The following COL21A1 variants were observed in gnomAD, a reference collection of about 807,000 sequenced individuals.
COL21A1 encodes the protein collagen type XXI alpha 1 chain, also known as collagen alpha-1(XXI) chain.
A neutral mutation model predicts 137.9 loss-of-function variants in COL21A1; 149 were observed. The observed-to-expected ratio is 1.08, with a 90% CI of 0.95 to 1.24. The LOEUF (loss-of-function observed/expected upper bound fraction) is 1.24, where lower values mean the gene tolerates loss of function less well. Ranked by LOEUF, COL21A1 falls within the 50% of genes most tolerant of loss-of-function variation. COL21A1 has a pLI of 0.00. For synonymous variants in COL21A1, 456 were observed against 391.5 expected, an observed-to-expected ratio of 1.16 and a Z score of -1.95; for missense variants, 1,167 against 1,158.4, an observed-to-expected ratio of 1.01 and a Z score of -0.11.
At chr6:56,140,962 A>G (rs1252021934) in intron 12 of COL21A1, among the ~76,000 whole-genome samples, 1 of 152,214 alleles carries the variant, frequency 6.6e-6, no homozygotes, top group African/African-American at 2.4e-5. Flanking sequence ...AGCAGTCAGC[A>G]TAAGATGCCA....
chr6:56,233,934 T>C (rs1348743976), intron 1 of COL21A1, among the ~76,000 whole-genome samples: 13 of 151,778 alleles, frequency 8.6e-5, no homozygotes, highest in Admixed American at 7.9e-4. Context: ...CAGCCATTAA[T>C]AGGAAAATAT....
At chr6:56,149,662 T>C (rs777163426) in intron 10 of COL21A1, among the ~76,000 whole-genome samples, 2 of 152,222 alleles carry the variant, frequency 1.3e-5, no homozygotes, top group Non-Finnish European at 2.9e-5. Flanking sequence ...CATGAATCCA[T>C]AGTCTCCTTT....
At chr6:56,101,212 G>T in intron 17 of COL21A1, among the ~76,000 whole-genome samples, 1 of 152,262 alleles carries the variant, frequency 6.6e-6, no homozygotes, top group East Asian at 1.9e-4. Context: ...CATGATGTTT[G>T]TGTTAACCAT....
chr6:56,313,108 T>G (rs1184530128), intron 1 of COL21A1, among the ~76,000 whole-genome samples: 1 of 152,112 alleles, frequency 6.6e-6, no homozygotes, highest in Non-Finnish European at 1.5e-5. Flanking sequence ...GGATGCAGTT[T>G]AGAGATAGCT....
At chr6:56,392,298 C>T (rs570440744) in intron 1 of COL21A1, among the ~76,000 whole-genome samples, 14 of 152,170 alleles carry the variant, frequency 9.2e-5, no homozygotes, top group African/African-American at 3.1e-4. Context: ...TTTAACATCC[C>T]TTCATGATAA....
intron 1 of COL21A1, among the ~76,000 whole-genome samples, chr6:56,303,910 A>G (rs1434833557): frequency 6.6e-6 from 1 of 152,184 alleles, no homozygotes; most frequent in Non-Finnish European, 1.5e-5. Flanking sequence ...TGTCCCATCA[A>G]TACCTAATTT....
Position 56,075,469 on chromosome 6 carries a change from A to G in COL21A1, c.1911+10T>C, listed in dbSNP as rs778767497. ...CACTTTGATGTATGATGATAATGAC[A>G]TCAACATACAGGCATCCCTGGGGCT... On this transcript the variant is annotated intron_variant, in intron 19 of 29. Transcript: ENST00000244728. The G allele has an allele frequency of 3.3e-6, 5 of 1,536,326 alleles. No individual in the cohort carries two copies. The South Asian group carries it at 6.2e-5, about 19-fold the overall frequency.
intron 17 of COL21A1, among the ~76,000 whole-genome samples, chr6:56,087,833 T>C (rs1421276797): frequency 6.6e-6 from 1 of 152,170 alleles, no homozygotes; most frequent in Non-Finnish European, 1.5e-5. Flanking sequence ...TAAAAATTTG[T>C]TCAGGAAGAT....
chr6:56,111,571 CTA>C (rs1771433989), intron 16 of COL21A1, among the ~76,000 whole-genome samples: 1 of 151,890 alleles, frequency 6.6e-6, no homozygotes, highest in South Asian at 2.1e-4. Flanking sequence ...TTATTCCACA[CTA>C]AAAACTTTGG....
At chr6:56,066,671 C>T (rs1317654442) in intron 23 of COL21A1, among the ~76,000 whole-genome samples, 1 of 151,742 alleles carries the variant, frequency 6.6e-6, no homozygotes, top group Non-Finnish European at 1.5e-5. Flanking sequence ...ATTCAAAAGT[C>T]AGTCTTCAGT....
At chr6:56,289,184 T>C (rs11964676) in intron 1 of COL21A1, among the ~76,000 whole-genome samples, 3,614 of 152,298 alleles carry the variant, frequency 0.024, 155 homozygotes, top group African/African-American at 0.082. Context: ...CTTACTGATA[T>C]TAACCAATTT....
chr6:56,186,101 T>C (rs1778279130), intron 1 of COL21A1, among the ~76,000 whole-genome samples: 1 of 152,000 alleles, frequency 6.6e-6, no homozygotes, highest in African/African-American at 2.4e-5. Flanking sequence ...GATATAAAAA[T>C]CTAAAACAAA....
At chr6:56,188,627 G>A (rs185463660) in intron 1 of COL21A1, among the ~76,000 whole-genome samples, 11 of 152,274 alleles carry the variant, frequency 7.2e-5, no homozygotes, top group East Asian at 1.9e-4. Flanking sequence ...CACAGCGTTC[G>A]AGCTCTGCTA....
At chr6:56,061,329 T>C (rs1432469810) in intron 25 of COL21A1, among the ~76,000 whole-genome samples, 1 of 152,048 alleles carries the variant, frequency 6.6e-6, no homozygotes, top group Admixed American at 6.6e-5. Flanking sequence ...CATAACACAG[T>C]CCTATTCACA....
intron 1 of COL21A1, among the ~76,000 whole-genome samples, chr6:56,335,395 T>C (rs993548981): frequency 6.6e-6 from 1 of 152,152 alleles, no homozygotes; most frequent in Non-Finnish European, 1.5e-5. Flanking sequence ...GATTGCTATC[T>C]CTAGTGACAA....
intron 1 of COL21A1, among the ~76,000 whole-genome samples, chr6:56,378,796 G>A (rs1316280245): frequency 3.9e-5 from 6 of 152,332 alleles, no homozygotes; most frequent in Admixed American, 6.5e-5. Flanking sequence ...GCTGGCTTCA[G>A]GTCTGACCCA....
intron 10 of COL21A1, among the ~76,000 whole-genome samples, chr6:56,148,484 C>T (rs890947951): frequency 6.6e-6 from 1 of 152,064 alleles, no homozygotes; most frequent in Non-Finnish European, 1.5e-5. Context: ...AGTAAGCCAT[C>T]TCTTGTAATT....
At chr6:56,120,329 A>G (rs1772350701) in intron 16 of COL21A1, among the ~76,000 whole-genome samples, 1 of 152,214 alleles carries the variant, frequency 6.6e-6, no homozygotes, top group Non-Finnish European at 1.5e-5. Context: ...AAGAAATGCA[A>G]ATCAAAACTA....
chr6:56,240,808 GC>G (rs1782258306), intron 1 of COL21A1, among the ~76,000 whole-genome samples: 1 of 152,104 alleles, frequency 6.6e-6, no homozygotes, highest in Non-Finnish European at 1.5e-5. Flanking sequence ...GGTCTTCTTG[GC>G]CTTTATTTAG....
Sources: allele counts gnomAD v4.1 joint callset (sites outside exome capture counted in the v4.1 genomes callset), GRCh38; gene constraint gnomAD v4.1.1; transcripts MANE v1.5; gene names NCBI Gene and HGNC (gene_info 2026-07-23, HGNC 2026-07-21).